Variants in PAQR3 observed in about 807,000 individuals in gnomAD.
PAQR3 encodes progestin and adipoQ receptor family member 3, also known as Raf kinase trapping to Golgi.
PAQR3 carries 39 observed loss-of-function variants against 41.7 expected under a neutral mutation model. That is an observed-to-expected ratio of 0.93 (90% CI 0.72 to 1.22). PAQR3 has a LOEUF of 1.22. PAQR3 is among the 50% of genes most tolerant of loss of function. The pLI is 0.00. For synonymous variants in PAQR3, 140 were observed against 140.6 expected, an observed-to-expected ratio of 1.00 and a Z score of 0.03; for missense variants, 366 against 385.6, an observed-to-expected ratio of 0.95 and a Z score of 0.42.
Position 78,922,342 on chromosome 4 carries a change from A to G in PAQR3, c.793+1515T>C, listed in dbSNP as rs1735736113. On this transcript the variant is annotated intron_variant, in intron 5 of 5. Coordinates refer to ENST00000512733, the MANE Select transcript of PAQR3 (RefSeq NM_001040202.2). ...ATCTGTGGGATGGATTGTTTAGGCC[A>G]GGGTTTCTCACCCTTTCTTCTTTCC... The G allele has an allele frequency of 3.0e-5, 39 of 1,288,448 alleles. No individual in the cohort carries two copies. In the South Asian group the frequency reaches 4.3e-4, roughly 14 times the overall value. 79.8% of individuals were successfully genotyped at this position (1,288,448 alleles called of 1,614,324 possible).
chr4:78,922,260 C>A, intron 5 of PAQR3: 1 of 1,238,538 alleles, frequency 8.1e-7, no homozygotes, highest in Non-Finnish European at 1.0e-6. Context: ...CCTTGTATTT[C>A]CATTCTTATT....
Sources: gnomAD v4.1 joint callset for allele counts on GRCh38, gnomAD v4.1.1 for gene constraint, MANE v1.5 for transcripts, NCBI Gene and HGNC (gene_info 2026-07-23, HGNC 2026-07-21) for gene names.